The following SUMF1 variants were observed in gnomAD, a reference collection of about 807,000 sequenced individuals.
SUMF1 encodes sulfatase modifying factor 1.
A neutral mutation model predicts 47.6 loss-of-function variants in SUMF1; 48 were observed. The ratio of observed to expected loss-of-function variants is 1.01; its 90% CI spans 0.80 to 1.28. The LOEUF is 1.28. Ranked by LOEUF, SUMF1 falls within the 50% of genes most tolerant of loss-of-function variation. The pLI is 0.00. For missense variants in SUMF1, 571 were observed against 485.4 expected (o/e 1.18, Z -1.66); for synonymous variants, 230 against 192.1 (o/e 1.20, Z -1.63).
At chr3:4,066,856 C>A (rs543376424) in intron 9 of SUMF1, among the ~76,000 whole-genome samples, 1 of 152,150 alleles carries the variant, frequency 6.6e-6, no homozygotes, top group Admixed American at 6.6e-5. Context: ...GCTTCGCATA[C>A]GAGCATAAGA....
chr3:4,117,116 T>C (rs544701832), intron 8 of SUMF1, among the ~76,000 whole-genome samples: 10 of 152,230 alleles, frequency 6.6e-5, no homozygotes, highest in Admixed American at 1.3e-4. Flanking sequence ...TCTTAAATTT[T>C]ATCCATGCAT....
At chr3:4,215,075 T>C (rs1009449906) in intron 8 of SUMF1, among the ~76,000 whole-genome samples, 1 of 151,926 alleles carries the variant, frequency 6.6e-6, no homozygotes, top group African/African-American at 2.4e-5. Flanking sequence ...GATACCAAAA[T>C]CTGGCAGAGA....
intron 8 of SUMF1, among the ~76,000 whole-genome samples, chr3:4,189,885 A>C (rs192372099): frequency 6.6e-6 from 1 of 152,246 alleles, no homozygotes; most frequent in South Asian, 2.1e-4. Flanking sequence ...GATTAGCTCA[A>C]ACTGCCTTTT....
chr3:4,202,406 T>C (rs1695559573), intron 8 of SUMF1, among the ~76,000 whole-genome samples: 1 of 152,004 alleles, frequency 6.6e-6, no homozygotes, highest in Non-Finnish European at 1.5e-5. Context: ...CAAAAATGAA[T>C]TCATTGTAGA....
At chr3:4,127,212 G>A (rs1693674363) in intron 8 of SUMF1, among the ~76,000 whole-genome samples, 1 of 152,146 alleles carries the variant, frequency 6.6e-6, no homozygotes, top group Non-Finnish European at 1.5e-5. Flanking sequence ...GAGCTGAAAT[G>A]GCTAAAAACC....
At chr3:4,267,291 G>A (rs925453285) in intron 8 of SUMF1, among the ~76,000 whole-genome samples, 1 of 152,150 alleles carries the variant, frequency 6.6e-6, no homozygotes, top group Non-Finnish European at 1.5e-5. Context: ...AGTAGTTTCA[G>A]AAGGAATGGT....
chr3:4,358,458 T>A (rs1332276537), downstream of SUMF1, among the ~76,000 whole-genome samples: 1 of 152,184 alleles, frequency 6.6e-6, no homozygotes, highest in Non-Finnish European at 1.5e-5. Flanking sequence ...AAAGCAGAAA[T>A]AGCTCACAAG....
intron 8 of SUMF1, among the ~76,000 whole-genome samples, chr3:4,207,607 C>T (rs564255427): frequency 5.9e-5 from 9 of 152,242 alleles, no homozygotes; most frequent in African/African-American, 1.9e-4. Flanking sequence ...ATGTATTACA[C>T]TAACTGATTT....
chr3:4,349,847 G>A (rs1304181599), intron 8 of SUMF1, among the ~76,000 whole-genome samples: 1 of 152,004 alleles, frequency 6.6e-6, no homozygotes, highest in Non-Finnish European at 1.5e-5. Flanking sequence ...GGTAGGAGGT[G>A]AAGGGAAGGA....
intron 1 of SUMF1, among the ~76,000 whole-genome samples, chr3:4,456,936 G>T (rs559518533): frequency 2.6e-5 from 3 of 114,480 alleles, no homozygotes; most frequent in African/African-American, 1.0e-4. Flanking sequence ...ATATATATAC[G>T]TGTGTGTACA....
At chr3:4,273,107 C>T (rs113096563) in intron 8 of SUMF1, among the ~76,000 whole-genome samples, 11 of 148,254 alleles carry the variant, frequency 7.4e-5, no homozygotes, top group Non-Finnish European at 1.2e-4. Flanking sequence ...TATATATATA[C>T]ATATATATAT....
chr3:4,043,959 T>A (rs1694960619), intron 9 of SUMF1, among the ~76,000 whole-genome samples: 1 of 52,438 alleles, frequency 1.9e-5, no homozygotes, highest in Non-Finnish European at 4.2e-5. Context: ...TCACAATTAT[T>A]ACTAGGCACA....
At chr3:4,112,715 A>G (rs967457181) in intron 8 of SUMF1, among the ~76,000 whole-genome samples, 5 of 152,152 alleles carry the variant, frequency 3.3e-5, no homozygotes, top group Non-Finnish European at 5.9e-5. Context: ...GGCTATAATC[A>G]GCATAAGTGG....
At chr3:4,324,808 G>A (rs1698908470) in intron 8 of SUMF1, among the ~76,000 whole-genome samples, 1 of 152,120 alleles carries the variant, frequency 6.6e-6, no homozygotes, top group South Asian at 2.1e-4. Flanking sequence ...CTTTGGCATA[G>A]TGAGTTTGGG....
At chr3:4,064,768 C>G (rs1209707557) in intron 9 of SUMF1, among the ~76,000 whole-genome samples, 1 of 152,150 alleles carries the variant, frequency 6.6e-6, no homozygotes, top group East Asian at 1.9e-4. Flanking sequence ...TGCTCTTAAC[C>G]ACTGTGCTCT....
rs542293743 is a variant in SUMF1, at chr3:4,395,829, C to T, written c.954+15036G>A. Among the ~76,000 whole-genome samples, 4 of 152,236 alleles carry T rather than the reference C, an allele frequency of 2.6e-5. No homozygotes were observed. In the South Asian group the frequency reaches 6.2e-4, roughly 24 times the overall value. ...AACCGTTCTTGCTCCTGGAGTAATA[C>T]ATGAAATCAGGTATTTAAAATACCA... On this transcript the variant is annotated intron_variant, in intron 7 of 8. Coordinates refer to ENST00000272902, the MANE Select transcript of SUMF1 (RefSeq NM_182760.4).
intron 9 of SUMF1, among the ~76,000 whole-genome samples, chr3:4,039,681 C>G (rs1000276639): frequency 3.9e-5 from 6 of 151,906 alleles, no homozygotes; most frequent in Non-Finnish European, 8.8e-5. Context: ...GTGAAGAAAG[C>G]TCAATATTCT....
At chr3:4,331,884 GT>G (rs1185173301) in intron 8 of SUMF1, among the ~76,000 whole-genome samples, 264 of 152,178 alleles carry the variant, frequency 1.7e-3, no homozygotes, top group African/African-American at 6.1e-3. Context: ...GACAAGTTAG[GT>G]ATCAAAACAA....
At position 4,196,650 on chromosome 3, in the gene SUMF1, C is replaced by T. The variant is rs116327982; in HGVS notation, c.1015-127905G>A. 2.6e-3 allele frequency among the ~76,000 whole-genome samples: 397 copies of T among 152,208 alleles called. 2 individuals carry two copies. The highest frequency in any genetic ancestry group is 0.01 in the Middle Eastern group (3 of 294). On this transcript the variant is annotated intron_variant and NMD_transcript_variant, in intron 8 of 12. Coordinates refer to the SUMF1 transcript ENST00000448413. Reference sequence around the variant, plus strand: ...TACTATTCTACACTCTGACTTAATGCTTTTCTACCTCTAACCCTTTTCCCT... The same window carrying T: ...TACTATTCTACACTCTGACTTAATGTTTTTCTACCTCTAACCCTTTTCCCT...
Sources: allele counts gnomAD v4.1 joint callset (sites outside exome capture counted in the v4.1 genomes callset), GRCh38; gene constraint gnomAD v4.1.1; transcripts MANE v1.5; gene names NCBI Gene and HGNC (gene_info 2026-07-23, HGNC 2026-07-21).